Variants in CYREN observed in about 807,000 individuals in gnomAD.
CYREN encodes the protein cell cycle regulator of non-homologous end joining.
In CYREN, 7 loss-of-function variants were observed where a neutral mutation model predicts 9.7. That is an observed-to-expected ratio of 0.72 (90% CI 0.41 to 1.36). The LOEUF (loss-of-function observed/expected upper bound fraction) is 1.36, where lower values mean the gene tolerates loss of function less well. Ranked by LOEUF, CYREN falls within the 40% of genes most tolerant of loss-of-function variation. The pLI, the probability that CYREN is intolerant of heterozygous loss-of-function variation, is 0.01. For synonymous variants in CYREN, 76 were observed against 77.9 expected, an observed-to-expected ratio of 0.98 and a Z score of 0.13; for missense variants, 215 against 198.1, an observed-to-expected ratio of 1.09 and a Z score of -0.51.
At chr7:135,110,556 C>T (rs1825482685) in intron 2 of CYREN, among the ~76,000 whole-genome samples, 1 of 152,182 alleles carries the variant, frequency 6.6e-6, no homozygotes, top group South Asian at 2.1e-4. Context: ...TCCCCATCAT[C>T]ACTCACTGAC....
At chr7:135,116,008 G>A (rs1030485459) in intron 2 of CYREN, 2 of 155,062 alleles carry the variant, frequency 1.3e-5, no homozygotes, top group African/African-American at 4.8e-5. Flanking sequence ...GAAAGAGCGA[G>A]ACCAGTTTTC....
intron 2 of CYREN, among the ~76,000 whole-genome samples, chr7:135,118,300 T>C (rs1226951581): frequency 6.6e-6 from 1 of 152,214 alleles, no homozygotes; most frequent in Admixed American, 6.5e-5. Flanking sequence ...AAAGTATTAA[T>C]ATATAAGGAA....
At chr7:135,137,581 G>GA (rs1008145126) in intron 2 of CYREN, among the ~76,000 whole-genome samples, 15 of 151,744 alleles carry the variant, frequency 9.9e-5, no homozygotes, top group African/African-American at 2.2e-4. Flanking sequence ...CAAAGACCAA[G>GA]AAAAAATCTT....
intron 2 of CYREN, chr7:135,135,062 T>G (rs1339149594): frequency 6.4e-7 from 1 of 1,551,080 alleles, no homozygotes; most frequent in Non-Finnish European, 8.7e-7. Flanking sequence ...ATAAAACCTC[T>G]CAGCAGCAAG....
At chr7:135,097,121 T>C (rs1823019502) in intron 2 of CYREN, among the ~76,000 whole-genome samples, 1 of 151,894 alleles carries the variant, frequency 6.6e-6, no homozygotes, top group Admixed American at 6.5e-5. Flanking sequence ...TGAATGCTTA[T>C]CACATCATTC....
chr7:135,143,654 T>A (rs533999420), intron 2 of CYREN, among the ~76,000 whole-genome samples: 5 of 149,670 alleles, frequency 3.3e-5, no homozygotes, highest in East Asian at 3.9e-4. Context: ...ATATTGAATT[T>A]AAAAAAAAAA....
chr7:135,144,596 CA>C (rs969730324), intron 2 of CYREN, among the ~76,000 whole-genome samples: 4 of 150,056 alleles, frequency 2.7e-5, no homozygotes, highest in African/African-American at 7.3e-5. Context: ...GGAGTAAAAA[CA>C]AAAAAAAGAA....
At chr7:135,144,131 A>G (rs1351239583) in intron 2 of CYREN, among the ~76,000 whole-genome samples, 3 of 152,210 alleles carry the variant, frequency 2.0e-5, no homozygotes, top group African/African-American at 7.2e-5. Flanking sequence ...ACCATAAGGC[A>G]AAGGTTCAGT....
intron 2 of CYREN, among the ~76,000 whole-genome samples, chr7:135,160,477 A>G (rs292498): frequency 6.6e-6 from 1 of 152,226 alleles, no homozygotes; most frequent in African/African-American, 2.4e-5. Flanking sequence ...GTTTCCAACC[A>G]AAGATCCATA....
At chr7:135,097,638 A>G (rs979146822) in intron 2 of CYREN, among the ~76,000 whole-genome samples, 1 of 152,146 alleles carries the variant, frequency 6.6e-6, no homozygotes, top group African/African-American at 2.4e-5. Flanking sequence ...AGCCTGTGAC[A>G]TTGAGGCTTT....
downstream of CYREN, among the ~76,000 whole-genome samples, chr7:135,161,147 C>T (rs1022464235): frequency 2.0e-5 from 3 of 152,196 alleles, no homozygotes; most frequent in Non-Finnish European, 4.4e-5. This position sits in a 1 kb window ranked among gnomAD's most constrained non-coding sequence, Gnocchi z 4.1. Context: ...TCTCCACATG[C>T]CTGGTCCTGG....
At chr7:135,171,810 C>T (rs1007383786), upstream of CYREN, among the ~76,000 whole-genome samples, 8 of 152,200 alleles carry the variant, frequency 5.3e-5, no homozygotes, top group East Asian at 1.9e-4. Flanking sequence ...CAGAGGACTC[C>T]GGCCAGCCTG....
chr7:135,171,234 A>G (rs1830637487), upstream of CYREN, among the ~76,000 whole-genome samples: 1 of 152,260 alleles, frequency 6.6e-6, no homozygotes, highest in Admixed American at 6.5e-5. Context: ...CCAAGGCTAG[A>G]AAGAATTTCA....
chr7:135,166,994 T>G, intron 3 of CYREN, 123 bp from the exon 4 acceptor site: 4 of 1,509,572 alleles, frequency 2.6e-6, no homozygotes, highest in Non-Finnish European at 3.5e-6. Flanking sequence ...GGCCAGGCAA[T>G]GTACCCATAT....
intron 2 of CYREN, among the ~76,000 whole-genome samples, chr7:135,116,922 G>T (rs968146943): frequency 6.6e-6 from 1 of 152,164 alleles, no homozygotes; most frequent in Non-Finnish European, 1.5e-5. Flanking sequence ...TTTTCAGATT[G>T]CTGGCTTCTT....
intron 2 of CYREN, among the ~76,000 whole-genome samples, chr7:135,141,665 T>C (rs941845760): frequency 1.3e-5 from 2 of 152,074 alleles, no homozygotes; most frequent in African/African-American, 4.8e-5. Flanking sequence ...GTGAGATCTT[T>C]CTTTTGGATG....
At chr7:135,164,441 G>A, downstream of CYREN, 1 of 1,596,682 alleles carries the variant, frequency 6.3e-7, no homozygotes, top group Non-Finnish European at 8.6e-7. Context: ...GGGCAGTAGA[G>A]ATGGCCGGCC....
rs373153627 is a variant in CYREN at position 135,140,405 on chromosome 7, T to C, written n.356+28344A>G. ...TAAGAATGCTATTGATTTTTGTACA[T>C]TGATTTTGTATCCTGAAACTTTGCT... On this transcript the variant is annotated intron_variant and non_coding_transcript_variant, in intron 2 of 2. Coordinates refer to the CYREN transcript ENST00000459937. Among the ~76,000 whole-genome samples, 456 of 145,034 alleles carry C rather than the reference T, an allele frequency of 3.1e-3. 4 individuals are homozygous for C. The highest frequency in any genetic ancestry group is 0.012 in the African/African-American group (431 of 37,322).
intron 2 of CYREN, among the ~76,000 whole-genome samples, chr7:135,124,435 AC>A (rs1357651185): frequency 1.3e-5 from 2 of 152,248 alleles, no homozygotes; most frequent in Admixed American, 1.3e-4. Flanking sequence ...AGACTCCCAC[AC>A]AATAATAGTG....
Sources: gnomAD v4.1 joint callset for allele counts (sites outside exome capture counted in the v4.1 genomes callset) on GRCh38, gnomAD v4.1.1 for gene constraint, Gnocchi (gnomAD v3.1) non-coding constraint, MANE v1.5 for transcripts, NCBI Gene and HGNC (gene_info 2026-07-23, HGNC 2026-07-21) for gene names.